Variants in SLC12A3 observed in about 807,000 individuals in gnomAD.
SLC12A3 encodes solute carrier family 12 member 3.
SLC12A3 carries 104 observed loss-of-function variants against 121.0 expected under a neutral mutation model. That is an observed-to-expected ratio of 0.86 (90% confidence interval 0.73 to 1.01). The LOEUF (loss-of-function observed/expected upper bound fraction) is 1.01, where lower values mean the gene tolerates loss of function less well. Ranked by LOEUF, SLC12A3 falls within the 50% of genes least tolerant of loss-of-function variation. The pLI is 0.00. For synonymous variants in SLC12A3, 536 were observed against 533.4 expected (o/e 1.00, Z -0.07); for missense variants, 1,328 against 1,356.3 (o/e 0.98, Z 0.33).
At chr16:56,880,282 T>A (rs1300220817) in intron 12 of SLC12A3, 29 bp downstream of exon 12, 1 of 1,560,654 alleles carries the variant, frequency 6.4e-7, no homozygotes, top group Non-Finnish European at 8.7e-7. Context: ...TCACAGGGCC[T>A]GGCCTCCTGT....
chr16:56,879,433 G>A (rs555651411), intron 10 of SLC12A3, 109 bp from the exon 11 acceptor site: 2 of 1,103,504 alleles, frequency 1.8e-6, no homozygotes, highest in South Asian at 1.3e-5. Flanking sequence ...GTGGACTCAG[G>A]TGGAGGCTCA....
rs763210286 is a variant in SLC12A3, at chr16:56,865,437, G to A, written c.202G>A (p.Glu68Lys). 87 of 1,614,048 alleles carry A rather than the reference G, an allele frequency of 5.4e-5. No individual in the cohort carries two copies. The highest frequency in any genetic ancestry group is 7.1e-5 in the Non-Finnish European group (84 of 1,180,046). ...YNTIDVVPTYEHYANSTQPGE... is the reference protein window; with the variant it reads ...YNTIDVVPTYKHYANSTQPGE... ...CACGATCGATGTGGTGCCCACATAT[G>A]AGCACTATGCCAACAGCACCCAGCC... The change falls in exon 1 of 26, where the codon GAG (glutamate) becomes AAG (lysine). Residue 68 changes from glutamate (E) to lysine (K), a missense_variant. By Grantham distance (56) the Glu-to-Lys change is moderately conservative. Coordinates refer to ENST00000563236, the MANE Select transcript of SLC12A3 (RefSeq NM_001126108.2).
At chr16:56,877,282 G>T (rs1813604543) in intron 8 of SLC12A3, among the ~76,000 whole-genome samples, 1 of 152,040 alleles carries the variant, frequency 6.6e-6, no homozygotes, top group Non-Finnish European at 1.5e-5. Flanking sequence ...TGTAGTCCCA[G>T]CTACTTGGGA....
intron 11 of SLC12A3, 67 bp downstream of exon 11, chr16:56,879,716 G>A (rs775454317): frequency 1.6e-5 from 19 of 1,174,248 alleles, no homozygotes; most frequent in South Asian, 7.4e-5. Context: ...ACAATAGGGC[G>A]GGTCCCTGGG....
intron 8 of SLC12A3, among the ~76,000 whole-genome samples, chr16:56,873,225 C>G (rs2055121911): frequency 3.9e-5 from 6 of 152,202 alleles, no homozygotes. Flanking sequence ...TGCCACCCTT[C>G]CCATGAGCCT....
intron 5 of SLC12A3, 49 bp from the exon 6 acceptor site, chr16:56,870,569 CTGGGGGAT>C: frequency 1.7e-6 from 2 of 1,189,252 alleles, no homozygotes; most frequent in Non-Finnish European, 2.5e-6. Flanking sequence ...TGGGCAGAGT[CTGGGGGAT>C]GGGGAATTCA....
rs912634409 is a variant in SLC12A3, at chr16:56,891,892, C to T, written c.2369-191C>T. Among the ~76,000 whole-genome samples, 4 of 152,166 alleles carry T rather than the reference C, an allele frequency of 2.6e-5. No individual in the cohort carries two copies. Among genetic ancestry groups the T allele is most frequent in the South Asian group, 2.1e-4 (1 of 4,820 alleles). ...GTTTGAGGGGCAAGAGGAGGCCATG[C>T]GCGACTGGAATGTGAGGAGCCGGGC... On this transcript the variant is annotated intron_variant, in intron 19 of 25. Coordinates refer to ENST00000563236, the MANE Select transcript of SLC12A3 (RefSeq NM_001126108.2).
chr16:56,882,215 C>G (rs750925679), intron 12 of SLC12A3, among the ~76,000 whole-genome samples, 181 bp from the exon 13 acceptor site: 1 of 152,164 alleles, frequency 6.6e-6, no homozygotes, highest in Non-Finnish European at 1.5e-5. Flanking sequence ...TCCCTTTGAG[C>G]TTCACAAAAG....
chr16:56,871,234 C>G (rs1323860627), intron 6 of SLC12A3, among the ~76,000 whole-genome samples: 1 of 152,218 alleles, frequency 6.6e-6, no homozygotes, highest in Non-Finnish European at 1.5e-5. Flanking sequence ...CTTGTGCTCC[C>G]TCCATCCCTG....
chr16:56,874,231 A>G (rs186726568), intron 8 of SLC12A3, among the ~76,000 whole-genome samples: 1 of 152,228 alleles, frequency 6.6e-6, no homozygotes, highest in Non-Finnish European at 1.5e-5. Flanking sequence ...GGTGAAATGC[A>G]GTGTTTGAGC....
chr16:56,890,231 G>T lies in SLC12A3; in HGVS notation c.2286-43G>T, dbSNP rs775206330. On this transcript the variant is annotated intron_variant, in intron 18 of 25. Transcript: ENST00000563236. ...CTGGGTGCCAGGTCACCTCCCCAGT[G>T]GGAGCTGGGGGAGAAGCTGGACCTC... 5.4e-6 allele frequency: 8 copies of T among 1,479,622 alleles called. No homozygotes were observed. In the South Asian group the frequency reaches 9.1e-5, roughly 17 times the overall value. 91.7% of individuals were successfully genotyped at this position (1,479,622 alleles called of 1,614,324 possible).
chr16:56,869,646 G>T, intron 3 of SLC12A3, 83 bp from the exon 4 acceptor site: 5 of 1,061,650 alleles, frequency 4.7e-6, no homozygotes, highest in Non-Finnish European at 7.3e-6. Flanking sequence ...GGAGATGAAC[G>T]TAGGTCGCAT....
chr16:56,894,097 G>T (rs1419259157), intron 21 of SLC12A3, among the ~76,000 whole-genome samples: 1 of 151,076 alleles, frequency 6.6e-6, no homozygotes, highest in Non-Finnish European at 1.5e-5. Flanking sequence ...TCTGCCTCCT[G>T]AGCTCAAGTG....
intron 25 of SLC12A3, among the ~76,000 whole-genome samples, chr16:56,910,249 C>T (rs116594315): frequency 2.6e-5 from 4 of 151,744 alleles, no homozygotes; most frequent in South Asian, 4.2e-4. Context: ...TCTCGGCTCA[C>T]GGCAACCTCT....
At chr16:56,872,811 GTGTCC>G (rs2055117071) in intron 8 of SLC12A3, 25 bp downstream of exon 8, 1 of 1,613,758 alleles carries the variant, frequency 6.2e-7, no homozygotes, top group African/African-American at 1.3e-5. Context: ...TGCCCCTCCT[GTGTCC>G]TGGCACTGCA....
rs530455547 is a variant in SLC12A3 at position 56,886,933 on chromosome 16, C to T, written c.2038-20C>T. ...AGGGTGAAGGCAGCTGGTGATGTCCCCTGCCCCTCCCACCCACAGGGACCC... is the reference window on the plus strand; with the variant it reads ...AGGGTGAAGGCAGCTGGTGATGTCCTCTGCCCCTCCCACCCACAGGGACCC... On this transcript the variant is annotated intron_variant, in intron 16 of 25. Coordinates refer to ENST00000563236, the MANE Select transcript of SLC12A3 (RefSeq NM_001126108.2). The T allele has an allele frequency of 1.9e-6, 3 of 1,613,088 alleles. No individual in the cohort carries two copies. Among genetic ancestry groups the T allele is most frequent in the South Asian group, 2.2e-5 (2 of 91,006 alleles).
At chr16:56,870,500 G>C (rs1030668642) in intron 5 of SLC12A3, 126 bp from the exon 6 acceptor site, 1 of 788,090 alleles carries the variant, frequency 1.3e-6, no homozygotes, top group African/African-American at 1.7e-5. Flanking sequence ...GATGGCAGGG[G>C]TGGTGCTTGA....
intron 18 of SLC12A3, among the ~76,000 whole-genome samples, chr16:56,888,273 C>T (rs2055345733): frequency 6.6e-6 from 1 of 152,160 alleles, no homozygotes; most frequent in African/African-American, 2.4e-5. Context: ...AGCAAGACCC[C>T]ATCTTTGAAA....
At chr16:56,890,227 C>T (rs1007684555) in intron 18 of SLC12A3, 47 bp from the exon 19 acceptor site, 16 of 1,493,678 alleles carry the variant, frequency 1.1e-5, no homozygotes, top group Non-Finnish European at 1.5e-5. Flanking sequence ...GTCACCTCCC[C>T]AGTGGGAGCT....
Sources: gnomAD v4.1 joint callset for allele counts (sites outside exome capture counted in the v4.1 genomes callset) on GRCh38, gnomAD v4.1.1 for gene constraint, MANE v1.5 for transcripts, NCBI Gene and HGNC (gene_info 2026-07-23, HGNC 2026-07-21) for gene names.